Variants in SLC35F5 observed in about 807,000 individuals in gnomAD.
The protein encoded by SLC35F5 is HCV NS5A-transactivated protein 3.
In SLC35F5, 54 loss-of-function variants were observed where a neutral mutation model predicts 68.6. The observed-to-expected ratio is 0.79, with a 90% CI of 0.63 to 0.99. SLC35F5 has a LOEUF of 0.99. SLC35F5 is among the 50% of genes least tolerant of loss of function. SLC35F5 has a pLI of 0.00. For missense variants in SLC35F5, 567 were observed against 626.9 expected (o/e 0.90, Z 1.02); for synonymous variants, 211 against 205.2 (o/e 1.03, Z -0.24).
rs1374886589 is a variant in SLC35F5 at position 113,707,781 on chromosome 2, G to A, written c.*7437C>T. On this transcript the variant is annotated 3_prime_UTR_variant, in exon 16 of 16. Coordinates refer to ENST00000245680, the MANE Select transcript of SLC35F5 (RefSeq NM_025181.5). ...TCTCCATGTTGGTCACACTGGTTTT[G>A]AACTCCTAATCTCAGGTGATCCACC... 6.6e-6 allele frequency among the ~76,000 whole-genome samples: 1 copy of A among 152,030 alleles called. No homozygotes were observed. The highest frequency in any genetic ancestry group is 1.5e-5 in the Non-Finnish European group (1 of 67,978).
chr2:113,753,290 T>C (rs1676832043), intron 3 of SLC35F5, among the ~76,000 whole-genome samples: 1 of 143,488 alleles, frequency 7.0e-6, no homozygotes, highest in South Asian at 2.4e-4. Context: ...GCGATTCTCC[T>C]GCCTCAGCCT....
Position 113,735,772 on chromosome 2 carries a change from C to T in SLC35F5, c.832+5G>A. On this transcript the variant is annotated splice_donor_5th_base_variant and intron_variant, in intron 8 of 15. Coordinates refer to ENST00000245680, the MANE Select transcript of SLC35F5 (RefSeq NM_025181.5). ...AATGCAGATTTTTAAAGACAAATTT[C>T]TTACCGGAAGTTGAAGATAAAATAT... The T allele has an allele frequency of 1.3e-6, 2 of 1,587,412 alleles. No individual in the cohort carries two copies. The highest frequency in any genetic ancestry group is 1.7e-6 in the Non-Finnish European group (2 of 1,161,842).
chr2:113,744,309 C>A (rs986432759), intron 5 of SLC35F5, among the ~76,000 whole-genome samples: 5 of 152,132 alleles, frequency 3.3e-5, no homozygotes. Flanking sequence ...TAAATTGTCT[C>A]CTCTTATTAT....
chr2:113,742,997 G>A, intron 6 of SLC35F5, 118 bp from the exon 7 acceptor site: 1 of 976,376 alleles, frequency 1.0e-6, no homozygotes. Flanking sequence ...GACAGTCAAA[G>A]TAAACCAAAA....
At chr2:113,754,873 A>G (rs1676901681) in intron 3 of SLC35F5, among the ~76,000 whole-genome samples, 1 of 152,200 alleles carries the variant, frequency 6.6e-6, no homozygotes, top group Non-Finnish European at 1.5e-5. Flanking sequence ...TACAGAAAGA[A>G]TTTGAATTTA....
At chr2:113,733,953 G>T (rs577420166) in intron 9 of SLC35F5, among the ~76,000 whole-genome samples, 1 of 152,116 alleles carries the variant, frequency 6.6e-6, no homozygotes. Context: ...TTTCAATACT[G>T]TCTATGGGCA....
chr2:113,732,244 A>G (rs1452072429), intron 9 of SLC35F5, among the ~76,000 whole-genome samples: 5 of 152,190 alleles, frequency 3.3e-5, no homozygotes, highest in African/African-American at 1.2e-4. Context: ...GGATGTAGAG[A>G]TATCAGAGGT....
chr2:113,717,682 A>T, intron 15 of SLC35F5, 71 bp downstream of exon 15: 1 of 1,093,064 alleles, frequency 9.1e-7, no homozygotes, highest in Non-Finnish European at 1.3e-6. Flanking sequence ...AACTAATTAT[A>T]GAAAATCAAT....
intron 7 of SLC35F5, among the ~76,000 whole-genome samples, chr2:113,737,843 A>T (rs776291405): frequency 2.0e-5 from 3 of 152,142 alleles, no homozygotes; most frequent in Non-Finnish European, 2.9e-5. Flanking sequence ...CTCCAATAGA[A>T]ATTGTCCATA....
At chr2:113,753,193 T>TTTTTTTTTTTA (rs1676826686) in intron 3 of SLC35F5, among the ~76,000 whole-genome samples, 1 of 131,848 alleles carries the variant, frequency 7.6e-6, no homozygotes, top group Non-Finnish European at 1.7e-5. Context: ...TTTTTTTTTT[T>TTTTTTTTTTTA]TTGCTAAGGA....
rs79510126 is a variant in SLC35F5 at position 113,745,836 on chromosome 2, C to T, written c.480+441G>A. Among the ~76,000 whole-genome samples, 517 of 152,288 alleles carry T rather than the reference C, an allele frequency of 3.4e-3. 1 individual carries two copies. The highest frequency in any genetic ancestry group is 5.5e-3 in the Admixed American group (84 of 15,286). On this transcript the variant is annotated intron_variant, in intron 5 of 15. Coordinates refer to ENST00000245680, the MANE Select transcript of SLC35F5 (RefSeq NM_025181.5). ...ACCTGTCCCCTCGCAAATACGCACA[C>T]ACTCACACACTAAAACAAAGCTGTA... is the stretch of plus-strand genomic sequence containing the variant.
chr2:113,725,692 G>T, intron 11 of SLC35F5, 155 bp from the exon 12 acceptor site: 1 of 595,866 alleles, frequency 1.7e-6, no homozygotes, highest in Non-Finnish European at 2.8e-6. Flanking sequence ...TCAGTCCTGT[G>T]AATAGCTCAA....
chr2:113,750,354 A>C, intron 4 of SLC35F5, 71 bp downstream of exon 4: 1 of 1,363,356 alleles, frequency 7.3e-7, no homozygotes, highest in Non-Finnish European at 9.8e-7. Context: ...AAAGAAACTA[A>C]TACATCTTTA....
intron 4 of SLC35F5, among the ~76,000 whole-genome samples, chr2:113,747,011 G>A (rs1314908739): frequency 6.6e-6 from 1 of 151,858 alleles, no homozygotes; most frequent in African/African-American, 2.4e-5. Flanking sequence ...ATGAGACCAA[G>A]CACGGTGGCT....
chr2:113,725,404 T>G lies in SLC35F5; in HGVS notation c.1224A>C (p.Thr408=). ...ACAACCACAGGAACTCTGAGAGTACTGTTCCAATAAGGCCATTAATGATAA... is the reference window on the plus strand; with the variant it reads ...ACAACCACAGGAACTCTGAGAGTACGGTTCCAATAAGGCCATTAATGATAA... ...MCIIINGLIG[T]VLSEFLWLWG... is the part of the protein sequence containing the mutation. The change falls in exon 12 of 16, where the codon ACA becomes ACC. Residue 408 remains threonine (T), a synonymous_variant. Coordinates refer to ENST00000245680, the MANE Select transcript of SLC35F5 (RefSeq NM_025181.5). 1 of 1,607,464 alleles carries G rather than the reference T, an allele frequency of 6.2e-7. No homozygotes were observed. Among genetic ancestry groups the G allele is most frequent in the Non-Finnish European group, 8.5e-7 (1 of 1,178,208 alleles).
chr2:113,726,665 C>T (rs141541854), intron 11 of SLC35F5, among the ~76,000 whole-genome samples: 3 of 152,258 alleles, frequency 2.0e-5, no homozygotes, highest in African/African-American at 7.2e-5. Flanking sequence ...AATAAGTCTG[C>T]CTTTCCCAGC....
chr2:113,738,858 C>CTT (rs1418003404), intron 7 of SLC35F5, among the ~76,000 whole-genome samples: 1 of 151,848 alleles, frequency 6.6e-6, no homozygotes, highest in Admixed American at 6.6e-5. Context: ...GATTTTAGTA[C>CTT]CAAAAAAGAA....
intron 14 of SLC35F5, among the ~76,000 whole-genome samples, chr2:113,718,468 A>G (rs893056339): frequency 2.0e-5 from 3 of 152,244 alleles, no homozygotes; most frequent in Non-Finnish European, 2.9e-5. Context: ...GTTCAAACCA[A>G]TAAAAGTTTT....
intron 3 of SLC35F5, among the ~76,000 whole-genome samples, chr2:113,754,464 C>T (rs1044912131): frequency 5.9e-5 from 9 of 152,130 alleles, no homozygotes; most frequent in South Asian, 2.1e-4. Flanking sequence ...AAAATTGCAA[C>T]GTAGAAGTTG....
Sources: allele counts gnomAD v4.1 joint callset (sites outside exome capture counted in the v4.1 genomes callset), GRCh38; gene constraint gnomAD v4.1.1; transcripts MANE v1.5; gene names NCBI Gene and HGNC (gene_info 2026-07-23, HGNC 2026-07-21).